GRIA4: variants seen among roughly 807,000 people sequenced by gnomAD.
GRIA4 encodes glutamate ionotropic receptor AMPA type subunit 4.
In GRIA4, 34 loss-of-function variants were observed where a neutral mutation model predicts 104.0. The observed-to-expected ratio is 0.33, with a 90% CI of 0.25 to 0.44. The LOEUF is 0.44. Ranked by LOEUF, GRIA4 falls within the 20% of genes least tolerant of loss-of-function variation. The pLI is 1.00. For synonymous variants in GRIA4, 386 were observed against 381.9 expected (o/e 1.01, Z -0.13); for missense variants, 750 against 1,096.5 (o/e 0.68, Z 4.46).
intron 14 of GRIA4, among the ~76,000 whole-genome samples, chr11:105,957,491 C>T (rs1159107798): frequency 6.6e-6 from 1 of 152,116 alleles, no homozygotes; most frequent in Non-Finnish European, 1.5e-5. Context: ...GGTACCAGTA[C>T]CATGCTGTTT....
At chr11:105,674,898 A>T (rs946559212) in intron 3 of GRIA4, among the ~76,000 whole-genome samples, 7 of 151,982 alleles carry the variant, frequency 4.6e-5, no homozygotes, top group African/African-American at 1.7e-4. Flanking sequence ...GTGATAGCCC[A>T]TCATCTTACA....
intron 6 of GRIA4, among the ~76,000 whole-genome samples, chr11:105,892,695 C>T (rs920228422): frequency 6.6e-6 from 1 of 152,072 alleles, no homozygotes. Context: ...TTGTGCTTCC[C>T]GTTTTTTAAC....
chr11:105,743,931 C>T (rs1939488492), intron 3 of GRIA4, among the ~76,000 whole-genome samples: 1 of 152,184 alleles, frequency 6.6e-6, no homozygotes. Flanking sequence ...ACATTGTATG[C>T]CTACCACATC....
chr11:105,798,350 C>A (rs547451552), intron 4 of GRIA4, among the ~76,000 whole-genome samples: 1 of 152,160 alleles, frequency 6.6e-6, no homozygotes, highest in Non-Finnish European at 1.5e-5. Context: ...GATTGTTGGG[C>A]AGGAGGAACA....
rs1161569330 is a variant in GRIA4, at chr11:105,685,163, A to AAGGGAGGG, written c.248-67807_248-67800dup. On this transcript the variant is annotated intron_variant, in intron 3 of 16. Coordinates refer to ENST00000282499, the MANE Select transcript of GRIA4 (RefSeq NM_000829.4). ...GGAGGGAGGGAAGGAGGGAGGAAGG[A>AAGGGAGGG]AGGGAGGGAGGGAGGGAGAGAGGGA... Among the ~76,000 whole-genome samples the AAGGGAGGG allele has an allele frequency of 3.0e-5, 4 of 132,198 alleles. No individual in the cohort carries two copies. The East Asian group carries it at 1.1e-3, about 36-fold the overall frequency. 86.7% of individuals were successfully genotyped at this position (132,198 alleles called of 152,430 possible).
intron 3 of GRIA4, among the ~76,000 whole-genome samples, chr11:105,632,857 C>CCA (rs1951070871): frequency 6.6e-6 from 1 of 152,120 alleles, no homozygotes; most frequent in Non-Finnish European, 1.5e-5. Flanking sequence ...ATTAATATAA[C>CCA]CACAGTAAAC....
intron 7 of GRIA4, among the ~76,000 whole-genome samples, 165 bp from the exon 8 acceptor site, chr11:105,903,649 G>A (rs1946943511): frequency 6.6e-6 from 1 of 152,152 alleles, no homozygotes; most frequent in South Asian, 2.1e-4. Context: ...TTATATTAAA[G>A]CAAGAATAGA....
At chr11:105,890,457 C>T (rs1169265435) in intron 6 of GRIA4, among the ~76,000 whole-genome samples, 8 of 152,148 alleles carry the variant, frequency 5.3e-5, no homozygotes, top group African/African-American at 1.4e-4. Flanking sequence ...GTTATGAATG[C>T]TCTCTGGCAT....
chr11:105,816,498 A>G (rs1246693779), intron 4 of GRIA4, among the ~76,000 whole-genome samples: 1 of 152,030 alleles, frequency 6.6e-6, no homozygotes, highest in Non-Finnish European at 1.5e-5. Context: ...CTCCTGTTTC[A>G]CCTTCTGCTA....
At chr11:105,736,595 T>C (rs1565504156) in intron 3 of GRIA4, among the ~76,000 whole-genome samples, 1 of 152,110 alleles carries the variant, frequency 6.6e-6, no homozygotes, top group South Asian at 2.1e-4. Context: ...TAAGTTACTT[T>C]ATATACATAA....
intron 6 of GRIA4, among the ~76,000 whole-genome samples, chr11:105,894,092 G>A (rs1165817446): frequency 1.3e-5 from 2 of 152,268 alleles, no homozygotes; most frequent in Middle Eastern, 3.4e-3. Flanking sequence ...GCTGGATACC[G>A]TAGCATTCTC....
At chr11:105,756,866 A>T (rs1463993574) in intron 4 of GRIA4, among the ~76,000 whole-genome samples, 1 of 152,162 alleles carries the variant, frequency 6.6e-6, no homozygotes, top group Non-Finnish European at 1.5e-5. Context: ...GTCAATATTT[A>T]CCTGTTGTCA....
chr11:105,925,247 T>C (rs985342941), intron 12 of GRIA4, among the ~76,000 whole-genome samples: 1 of 152,146 alleles, frequency 6.6e-6, no homozygotes, highest in Non-Finnish European at 1.5e-5. Flanking sequence ...GTACCAGATA[T>C]ACATTGTTTT....
In GRIA4 at chr11:105,868,465, C is replaced by T. The variant is rs532046240; in HGVS notation, c.672+6257C>T. The stretch of plus-strand genomic sequence containing the variant: ...GAGTCTATGTTTATTGTTACCAATA[C>T]ATCCCCTAGTGATGATAGGGGTTCA... On this transcript the variant is annotated intron_variant, in intron 5 of 16. Coordinates refer to ENST00000282499, the MANE Select transcript of GRIA4 (RefSeq NM_000829.4). 2.6e-4 allele frequency among the ~76,000 whole-genome samples: 39 copies of T among 152,242 alleles called. 1 individual carries two copies. The South Asian group carries it at 7.7e-3, about 30-fold the overall frequency.
intron 4 of GRIA4, among the ~76,000 whole-genome samples, chr11:105,791,607 A>T (rs1228053210): frequency 6.6e-6 from 1 of 152,146 alleles, no homozygotes; most frequent in Non-Finnish European, 1.5e-5. Flanking sequence ...CAGTCTTCTC[A>T]ACTACATAGA....
chr11:105,662,911 G>T (rs1369242275), intron 3 of GRIA4, among the ~76,000 whole-genome samples: 1 of 151,678 alleles, frequency 6.6e-6, no homozygotes, highest in Middle Eastern at 3.2e-3. Context: ...TCATTGTAGC[G>T]ACACTCACAC....
chr11:105,861,219 C>G (rs1349393742), intron 4 of GRIA4, among the ~76,000 whole-genome samples: 1 of 152,102 alleles, frequency 6.6e-6, no homozygotes, highest in Non-Finnish European at 1.5e-5. Flanking sequence ...ATCAGTCTTG[C>G]ACGCTCCTTC....
chr11:105,750,296 A>G (rs1019835010), intron 3 of GRIA4, among the ~76,000 whole-genome samples: 2 of 152,196 alleles, frequency 1.3e-5, no homozygotes, highest in African/African-American at 4.8e-5. Context: ...ACAAAACCCA[A>G]TAACCCTCAC....
intron 15 of GRIA4, 31 bp from the exon 16 acceptor site, chr11:105,974,279 C>T (rs1488966855): frequency 1.9e-6 from 3 of 1,598,510 alleles, no homozygotes; most frequent in African/African-American, 1.3e-5. Context: ...GACATTTCCA[C>T]AGTTAACTGA....
Sources: allele counts gnomAD v4.1 joint callset (sites outside exome capture counted in the v4.1 genomes callset), GRCh38; gene constraint gnomAD v4.1.1; transcripts MANE v1.5; gene names NCBI Gene and HGNC (gene_info 2026-07-23, HGNC 2026-07-21).